Variants in SYN2 observed in about 807,000 individuals in gnomAD.
SYN2 encodes synapsin-2.
Under a neutral mutation model 50.9 loss-of-function variants are expected in SYN2, and 19 were observed. That is an observed-to-expected ratio of 0.37 (90% CI 0.26 to 0.55). The LOEUF is 0.55. Ranked by LOEUF, SYN2 falls within the 20% of genes least tolerant of loss-of-function variation. The probability of loss-of-function intolerance (pLI) is 0.81; values close to 1 mark genes in which losing one functional copy is unlikely to be tolerated. For missense variants in SYN2, 587 were observed against 576.4 expected, an observed-to-expected ratio of 1.02 and a Z score of -0.19; for synonymous variants, 255 against 224.9, an observed-to-expected ratio of 1.13 and a Z score of -1.20.
chr3:12,032,068 C>T (rs1182092814), intron 1 of SYN2, among the ~76,000 whole-genome samples: 3 of 121,868 alleles, frequency 2.5e-5, no homozygotes, highest in African/African-American at 8.0e-5. Context: ...TCTTTTAGGG[C>T]AGGCCTGGTG....
chr3:12,028,885 A>C (rs1422312899), intron 1 of SYN2, among the ~76,000 whole-genome samples: 1 of 109,948 alleles, frequency 9.1e-6, no homozygotes, highest in Admixed American at 9.5e-5. Flanking sequence ...GTTTAATTAG[A>C]TCCCATTTGT....
chr3:12,183,066 A>T (rs900248095), intron 10 of SYN2, among the ~76,000 whole-genome samples: 5 of 152,244 alleles, frequency 3.3e-5, no homozygotes, highest in Admixed American at 6.5e-5. Context: ...GGGGTTGAAG[A>T]GGTCTCAGGC....
At chr3:12,059,799 G>A (rs1695075093) in intron 1 of SYN2, among the ~76,000 whole-genome samples, 1 of 152,042 alleles carries the variant, frequency 6.6e-6, no homozygotes, top group Non-Finnish European at 1.5e-5. Context: ...ATGCTTGGCG[G>A]GGGGCCCACA....
At chr3:12,035,570 G>T (rs1034136636) in intron 1 of SYN2, among the ~76,000 whole-genome samples, 3 of 152,194 alleles carry the variant, frequency 2.0e-5, no homozygotes, top group African/African-American at 7.2e-5. Flanking sequence ...GGAGGCAGAG[G>T]TTACAGGCAA....
chr3:12,178,796 C>CA (rs1698150315), intron 10 of SYN2, among the ~76,000 whole-genome samples: 1 of 152,244 alleles, frequency 6.6e-6, no homozygotes, highest in African/African-American at 2.4e-5. Context: ...TTAAGCCTAA[C>CA]AATCCTTATT....
intron 1 of SYN2, among the ~76,000 whole-genome samples, chr3:12,006,268 G>C (rs1693799437): frequency 6.6e-6 from 1 of 152,142 alleles, no homozygotes; most frequent in South Asian, 2.1e-4. Flanking sequence ...TGACTTATGT[G>C]GTTGGCCTTT....
At chr3:12,161,768 C>A in intron 6 of SYN2, 160 bp downstream of exon 6, 1 of 994,578 alleles carries the variant, frequency 1.0e-6, no homozygotes, top group Non-Finnish European at 1.5e-6. Flanking sequence ...CCCAACCAGA[C>A]CTCTTTCAGT....
intron 1 of SYN2, among the ~76,000 whole-genome samples, chr3:12,039,543 G>A (rs1303871105): frequency 8.6e-6 from 1 of 116,470 alleles, no homozygotes; most frequent in Admixed American, 1.1e-4. Context: ...AAACAAAGAA[G>A]CAAAGATTTT....
At chr3:12,024,524 A>G (rs1324138576) in intron 1 of SYN2, among the ~76,000 whole-genome samples, 3 of 152,114 alleles carry the variant, frequency 2.0e-5, no homozygotes, top group Non-Finnish European at 2.9e-5. Context: ...GCTTTATATA[A>G]ACGAAATCCT....
intron 1 of SYN2, among the ~76,000 whole-genome samples, chr3:12,063,066 CG>C (rs1198726866): frequency 6.7e-6 from 1 of 150,104 alleles, no homozygotes; most frequent in African/African-American, 2.5e-5. Flanking sequence ...TGGTGTTTGC[CG>C]GGGGGAAGGA....
At chr3:12,143,214 A>G (rs771395275) in intron 3 of SYN2, among the ~76,000 whole-genome samples, 2 of 152,206 alleles carry the variant, frequency 1.3e-5, no homozygotes, top group Non-Finnish European at 2.9e-5. Flanking sequence ...TTTCAGGCAT[A>G]CAGCTGGTGC....
Position 12,106,619 on chromosome 3 carries a change from C to A in SYN2, c.378-34032C>A, listed in dbSNP as rs888608746. ...GGGAGTTATGTATGAGGTTTACAATCTTATTCATGTTTAAATCCCTAGTCT... is the reference window on the plus strand; with the variant it reads ...GGGAGTTATGTATGAGGTTTACAATATTATTCATGTTTAAATCCCTAGTCT... On this transcript the variant is annotated intron_variant, in intron 1 of 12. Transcript: ENST00000621198. Among the ~76,000 whole-genome samples the A allele has an allele frequency of 2.6e-5, 4 of 152,070 alleles. No homozygotes were observed. In the South Asian group the frequency reaches 8.3e-4, roughly 31 times the overall value.
chr3:12,049,538 A>T (rs1479246302), intron 1 of SYN2, among the ~76,000 whole-genome samples: 2 of 151,764 alleles, frequency 1.3e-5, no homozygotes, highest in Non-Finnish European at 2.9e-5. Flanking sequence ...AAAATAATAA[A>T]AAATAAAAAA....
At chr3:12,175,326 T>C (rs543424549) in intron 10 of SYN2, among the ~76,000 whole-genome samples, 1 of 152,344 alleles carries the variant, frequency 6.6e-6, no homozygotes, top group Non-Finnish European at 1.5e-5. Context: ...CTTTGGATGA[T>C]CTTGGCAGTG....
intron 5 of SYN2, chr3:12,159,193 T>G (rs1697565802): frequency 3.7e-6 from 1 of 267,584 alleles, no homozygotes; most frequent in South Asian, 1.0e-4. Context: ...GACAAATGCA[T>G]GAGGACAGAA....
intron 5 of SYN2, among the ~76,000 whole-genome samples, chr3:12,152,608 T>A (rs534033176): frequency 1.3e-5 from 2 of 152,290 alleles, no homozygotes; most frequent in South Asian, 4.2e-4. Flanking sequence ...TTTGTGTTAT[T>A]TCTCTCCGGT....
At chr3:12,181,572 T>G (rs991615671) in intron 10 of SYN2, among the ~76,000 whole-genome samples, 10 of 152,184 alleles carry the variant, frequency 6.6e-5, no homozygotes, top group African/African-American at 2.4e-4. Context: ...TACAGGGAGA[T>G]AGTGCACAAT....
chr3:12,014,516 A>G (rs1378235613), intron 1 of SYN2, among the ~76,000 whole-genome samples: 1 of 152,206 alleles, frequency 6.6e-6, no homozygotes, highest in Admixed American at 6.5e-5. Context: ...AGCCCACAAT[A>G]CTGGAAAGTA....
chr3:12,013,665 T>C (rs2125131735), intron 1 of SYN2, among the ~76,000 whole-genome samples: 1 of 152,320 alleles, frequency 6.6e-6, no homozygotes, highest in South Asian at 2.1e-4. Context: ...AACTTTCACC[T>C]AGAACTTCTG....
Sources: allele counts gnomAD v4.1 joint callset (sites outside exome capture counted in the v4.1 genomes callset), GRCh38; gene constraint gnomAD v4.1.1; transcripts MANE v1.5; gene names NCBI Gene and HGNC (gene_info 2026-07-23, HGNC 2026-07-21).